The following ARHGAP1 variants were observed in gnomAD, a reference collection of about 807,000 sequenced individuals.
ARHGAP1 encodes the protein rho GTPase-activating protein 1.
A neutral mutation model predicts 52.2 loss-of-function variants in ARHGAP1; 23 were observed. The observed-to-expected ratio is 0.44, with a 90% confidence interval of 0.32 to 0.62. ARHGAP1 has a LOEUF of 0.62. Among genes scored for constraint, ARHGAP1 ranks in the 20% least tolerant of loss-of-function variants. The pLI, the probability that ARHGAP1 is intolerant of heterozygous loss-of-function variation, is 0.05. For missense variants in ARHGAP1, 480 were observed against 560.9 expected, an observed-to-expected ratio of 0.86 and a Z score of 1.46; for synonymous variants, 210 against 228.4, an observed-to-expected ratio of 0.92 and a Z score of 0.73.
At position 46,679,739 on chromosome 11, in the gene ARHGAP1, G is replaced by A. The variant is rs775213363; in HGVS notation, c.936C>T (p.His312=). The change falls in exon 11 of 13, where the codon CAC becomes CAT. Residue 312 remains histidine, a synonymous_variant. Coordinates refer to ENST00000311956, the MANE Select transcript of ARHGAP1 (RefSeq NM_004308.5). The surrounding 1 kb of genome is among the most constrained non-coding windows in gnomAD (Gnocchi z 4.4). ...PVDFDQYNEL[H]LPAVILKTFL... is the part of the protein sequence containing the mutation. Reference sequence around the variant, plus strand: ...AGGTCTTGAGGATGACTGCTGGCAGGTGCAGCTCATTGTACTGGTCGAAAT... The same window carrying A: ...AGGTCTTGAGGATGACTGCTGGCAGATGCAGCTCATTGTACTGGTCGAAAT... The A allele has an allele frequency of 2.5e-6, 4 of 1,613,984 alleles. No individual in the cohort carries two copies. Among genetic ancestry groups the A allele is most frequent in the South Asian group, 1.1e-5 (1 of 91,088 alleles).
At chr11:46,691,109 A>G (rs970131112) in intron 3 of ARHGAP1, among the ~76,000 whole-genome samples, 7 of 152,106 alleles carry the variant, frequency 4.6e-5, no homozygotes, top group African/African-American at 1.7e-4. Flanking sequence ...GCTAGTCTTG[A>G]ACTCCTGCCT....
chr11:46,690,376 G>A (rs2064602904), intron 3 of ARHGAP1, among the ~76,000 whole-genome samples: 1 of 149,776 alleles, frequency 6.7e-6, no homozygotes, highest in South Asian at 2.1e-4. Context: ...GATAAAGCGA[G>A]ACTCCGTCTC....
At chr11:46,689,063 G>T (rs1043684253) in intron 3 of ARHGAP1, among the ~76,000 whole-genome samples, 2 of 145,858 alleles carry the variant, frequency 1.4e-5, no homozygotes, top group African/African-American at 5.1e-5. Flanking sequence ...CAGCCTGGGT[G>T]ACAGAGCAAG....
chr11:46,691,571 C>T (rs1167182458), intron 3 of ARHGAP1, among the ~76,000 whole-genome samples: 1 of 151,690 alleles, frequency 6.6e-6, no homozygotes, highest in Non-Finnish European at 1.5e-5. Context: ...CCTGCCCCAG[C>T]ATCCTGAGTA....
At chr11:46,682,811 G>C (rs1169210591) in intron 4 of ARHGAP1, among the ~76,000 whole-genome samples, 1 of 152,178 alleles carries the variant, frequency 6.6e-6, no homozygotes, top group Admixed American at 6.5e-5. Flanking sequence ...CTGAATCAGG[G>C]ATTTCTCTGA....
At position 46,680,673 on chromosome 11, in the gene ARHGAP1, AG is replaced by A. The variant is rs778464663; in HGVS notation, c.709del (p.Leu237CysfsTer135). ...CGAGACTCCAAACTGCTGGTTGGGC[AG>A]GGGGGGCCGTGGGGGCATGGGCTTG... ...APKPMPPRPP[L>X]PNQQFGVSLQ... On this transcript the variant is annotated frameshift_variant, in exon 8 of 13. Transcript: ENST00000311956. LOFTEE classifies it high-confidence loss of function. This position sits in a 1 kb window ranked among gnomAD's most constrained non-coding sequence, Gnocchi z 5.9. 12 of 1,603,500 alleles carry A rather than the reference AG, an allele frequency of 7.5e-6. No individual in the cohort carries two copies. The highest frequency in any genetic ancestry group is 2.2e-5 in the East Asian group (1 of 44,592).
Position 46,679,434 on chromosome 11 carries a change from C to T in ARHGAP1, c.1062G>A (p.Leu354=), listed in dbSNP as rs892750625. 1.9e-6 allele frequency: 3 copies of T among 1,614,178 alleles called. No individual in the cohort carries two copies. The highest frequency in any genetic ancestry group is 2.5e-6 in the Non-Finnish European group (3 of 1,180,040). The change falls in exon 12 of 13, where the codon CTG becomes CTA. Residue 354 remains leucine, a synonymous_variant. Transcript: ENST00000311956. This position sits in a 1 kb window ranked among gnomAD's most constrained non-coding sequence, Gnocchi z 4.4. ...CCTCGGGCAGCGTCTGGAGGACCTG[C>T]AGTGTCGCTGGCACCCTCTGGCTTT... ...IDESQRVPAT[L]QVLQTLPEEN...
Position 46,680,998 on chromosome 11 carries a change from G to A in ARHGAP1, c.635+13C>T, listed in dbSNP as rs756096985. On this transcript the variant is annotated intron_variant, in intron 7 of 12. Coordinates refer to ENST00000311956, the MANE Select transcript of ARHGAP1 (RefSeq NM_004308.5). The surrounding 1 kb of genome is among the most constrained non-coding windows in gnomAD (Gnocchi z 5.9). ...CTGGCTTCACGAGCCCCCAGCCGCC[G>A]CACCCGCCTCACTTGAGCACTTGGC... 17 of 1,611,930 alleles carry A rather than the reference G, an allele frequency of 1.1e-5. No homozygotes were observed. Among genetic ancestry groups the A allele is most frequent in the East Asian group, 4.5e-5 (2 of 44,870 alleles).
Position 46,680,308 on chromosome 11 carries a change from C to G in ARHGAP1, c.821-26G>C. The G allele has an allele frequency of 6.2e-7, 1 of 1,612,716 alleles. No homozygotes were observed. Among genetic ancestry groups the G allele is most frequent in the South Asian group, 1.1e-5 (1 of 91,042 alleles). On this transcript the variant is annotated intron_variant, in intron 9 of 12. Coordinates refer to ENST00000311956, the MANE Select transcript of ARHGAP1 (RefSeq NM_004308.5). The surrounding 1 kb of genome is among the most constrained non-coding windows in gnomAD (Gnocchi z 5.9). The stretch of plus-strand genomic sequence containing the variant: ...CTGGGAAACAGTAGGGCCTGGTGAG[C>G]CTCCGAGCGCTGGGCACCGGCTGGA...
At position 46,680,637 on chromosome 11, in the gene ARHGAP1, T is replaced by C. The variant is rs746922080; in HGVS notation, c.743+3A>G. 1 of 1,613,208 alleles carries C rather than the reference T, an allele frequency of 6.2e-7. No homozygotes were observed. Among genetic ancestry groups the C allele is most frequent in the Admixed American group, 1.7e-5 (1 of 60,000 alleles). On this transcript the variant is annotated splice_donor_region_variant and intron_variant, in intron 8 of 12. Coordinates refer to ENST00000311956, the MANE Select transcript of ARHGAP1 (RefSeq NM_004308.5). The surrounding 1 kb of genome is among the most constrained non-coding windows in gnomAD (Gnocchi z 5.9). ...CCGTGGCCCAGCCACCTTTCATACT[T>C]ACTGCTGCAGCGAGACTCCAAACTG... is the stretch of plus-strand genomic sequence containing the variant.
chr11:46,695,607 T>A, intron 3 of ARHGAP1, 53 bp downstream of exon 3: 1 of 1,523,410 alleles, frequency 6.6e-7, no homozygotes, highest in Non-Finnish European at 8.9e-7. Flanking sequence ...AAGGGCTGAC[T>A]TCCTGAGGCC....
intron 1 of ARHGAP1, among the ~76,000 whole-genome samples, chr11:46,699,336 T>C (rs1439265908): frequency 1.3e-5 from 2 of 152,154 alleles, no homozygotes; most frequent in African/African-American, 4.8e-5. Flanking sequence ...TATAGGACCA[T>C]GAACTGGGGA....
In ARHGAP1 at chr11:46,696,254, C is replaced by G; in HGVS notation, c.-49-98G>C. On this transcript the variant is annotated intron_variant, in intron 1 of 12. Transcript: ENST00000311956. This position sits in a 1 kb window ranked among gnomAD's most constrained non-coding sequence, Gnocchi z 4.8. ...CTCCTGCCCCCACCATTCCCTCTCC[C>G]AGGCTCCCTGTCCCTATTCCTCAAC... The G allele has an allele frequency of 1.3e-6, 1 of 785,344 alleles. No individual in the cohort carries two copies. The highest frequency in any genetic ancestry group is 2.0e-6 in the Non-Finnish European group (1 of 502,640). The allele number at this position is 785,344 out of a possible 1,614,324, so 48.6% of individuals were successfully genotyped here. A position where few individuals can be genotyped will look rare whatever the true frequency, so the allele number is the denominator to read the frequency against.
intron 3 of ARHGAP1, among the ~76,000 whole-genome samples, chr11:46,693,094 C>A (rs543368400): frequency 2.0e-5 from 3 of 152,076 alleles, no homozygotes; most frequent in Non-Finnish European, 4.4e-5. Context: ...CCTCATGATC[C>A]GCCCGCCTCG....
chr11:46,684,933 C>T (rs886450132), intron 4 of ARHGAP1, among the ~76,000 whole-genome samples: 11 of 151,630 alleles, frequency 7.3e-5, no homozygotes, highest in African/African-American at 2.7e-4. Flanking sequence ...ACTAAAAATA[C>T]AAAAATTAGC....
intron 4 of ARHGAP1, among the ~76,000 whole-genome samples, chr11:46,685,874 C>T (rs778949768): frequency 6.6e-6 from 1 of 151,346 alleles, no homozygotes; most frequent in East Asian, 1.9e-4. Context: ...TGAGGTTTCA[C>T]CATGTTGGCC....
At chr11:46,698,720 C>A (rs1291929772) in intron 1 of ARHGAP1, among the ~76,000 whole-genome samples, 1 of 151,988 alleles carries the variant, frequency 6.6e-6, no homozygotes, top group Non-Finnish European at 1.5e-5. Flanking sequence ...AGTGACTGCT[C>A]TTCTATGCTG....
chr11:46,678,189 T>C lies in ARHGAP1; in HGVS notation c.*848A>G, dbSNP rs1417573165. The C allele has an allele frequency of 2.0e-5, 4 of 202,222 alleles. No homozygotes were observed. Among genetic ancestry groups the C allele is most frequent in the Non-Finnish European group, 4.2e-5 (4 of 96,276 alleles). The allele number at this position is 202,222 out of a possible 1,614,324, so 12.5% of individuals were successfully genotyped here. A position where few individuals can be genotyped will look rare whatever the true frequency, so the allele number is the denominator to read the frequency against. On this transcript the variant is annotated 3_prime_UTR_variant, in exon 13 of 13. Transcript: ENST00000311956. ...CGTAACAGACAGGTCCACAAGAACA[T>C]GAAGGCTGATGATCTGCCCGTGTGG...
chr11:46,696,099 C>T lies in ARHGAP1; in HGVS notation c.9G>A (p.Pro3=), dbSNP rs762644711. 60 of 1,598,918 alleles carry T rather than the reference C, an allele frequency of 3.8e-5. No homozygotes were observed. The highest frequency in any genetic ancestry group is 4.7e-5 in the Non-Finnish European group (55 of 1,173,072). MD[P]LSELQDDLTL... ...TCAGATCATCCTGCAGCTCTGAGAG[C>T]GGATCCATGGCCAAGCCTGTCCCAG... The change falls in exon 2 of 13, where the codon CCG becomes CCA. Residue 3 remains proline, a synonymous_variant. Transcript: ENST00000311956. This position sits in a 1 kb window ranked among gnomAD's most constrained non-coding sequence, Gnocchi z 4.8.
Sources: allele counts gnomAD v4.1 joint callset (sites outside exome capture counted in the v4.1 genomes callset), GRCh38; gene constraint gnomAD v4.1.1; non-coding constraint Gnocchi (gnomAD v3.1); transcripts MANE v1.5; gene names NCBI Gene and HGNC (gene_info 2026-07-23, HGNC 2026-07-21).